ACYP2: variants seen among roughly 807,000 people sequenced by gnomAD.
The protein encoded by ACYP2 is acylphosphatase-2.
Under a neutral mutation model 11.2 loss-of-function variants are expected in ACYP2, and 12 were observed. The observed-to-expected ratio is 1.08, with a 90% CI of 0.69 to 1.74. The LOEUF is 1.74. Among genes scored for constraint, ACYP2 ranks in the 40% most tolerant of loss-of-function variants. The pLI is 0.00. For missense variants in ACYP2, 134 were observed against 101.9 expected, an observed-to-expected ratio of 1.31 and a Z score of -1.35; for synonymous variants, 43 against 32.2, an observed-to-expected ratio of 1.33 and a Z score of -1.13.
At chr2:54,263,359 C>A (rs923095225) in intron 6 of ACYP2, among the ~76,000 whole-genome samples, 3 of 152,182 alleles carry the variant, frequency 2.0e-5, no homozygotes, top group African/African-American at 7.2e-5. Context: ...CCCCCATGAT[C>A]CAGTCATCTC....
chr2:54,212,493 T>A lies in ACYP2; in HGVS notation c.404+73745T>A, dbSNP rs17268276. 6.6e-3 allele frequency among the ~76,000 whole-genome samples: 1,006 copies of A among 152,338 alleles called. 5 individuals carry two copies. Among genetic ancestry groups the A allele is most frequent in the Non-Finnish European group, 9.3e-3 (634 of 68,032 alleles). On this transcript the variant is annotated intron_variant, in intron 6 of 6. Coordinates refer to ENST00000607452, the MANE Select transcript of ACYP2 (RefSeq NM_001320586.2). ...TAGGACTGGAAAAACCCAGTTATGA[T>A]CATCTTAGTAGTGGTCTGTCTTCCA...
At chr2:54,254,702 T>G in intron 6 of ACYP2, 2 of 545,446 alleles carry the variant, frequency 3.7e-6, no homozygotes, top group South Asian at 5.5e-5. Context: ...TGGGAGCATG[T>G]GATGTTAATG....
chr2:54,138,818 G>A lies in ACYP2; in HGVS notation c.404+70G>A, dbSNP rs1233458696. On this transcript the variant is annotated intron_variant, in intron 6 of 6. Coordinates refer to ENST00000607452, the MANE Select transcript of ACYP2 (RefSeq NM_001320586.2). ...GCTGTTTTTTAGTTTTTTAAGACAT[G>A]GTCTTGCTCTGTTGCCCAGGTTGGA... is the stretch of plus-strand genomic sequence containing the variant. 4.6e-6 allele frequency: 6 copies of A among 1,296,396 alleles called. No individual in the cohort carries two copies. In the Admixed American group the frequency reaches 1.2e-4, roughly 26 times the overall value. The allele number at this position is 1,296,396 out of a possible 1,614,324, so 80.3% of individuals were successfully genotyped here.
intron 2 of ACYP2, among the ~76,000 whole-genome samples, chr2:54,019,353 T>G (rs1673873780): frequency 6.6e-6 from 1 of 152,076 alleles, no homozygotes; most frequent in African/African-American, 2.4e-5. Flanking sequence ...ATTACAGGGA[T>G]GAGCCACTGA....
At chr2:54,251,539 A>G (rs1332985149) in intron 6 of ACYP2, among the ~76,000 whole-genome samples, 1 of 152,120 alleles carries the variant, frequency 6.6e-6, no homozygotes, top group South Asian at 2.1e-4. Context: ...CCAGCGCTTC[A>G]GAATCTACCA....
At chr2:54,247,356 G>A (rs1572987759) in intron 6 of ACYP2, among the ~76,000 whole-genome samples, 1 of 152,132 alleles carries the variant, frequency 6.6e-6, no homozygotes, top group South Asian at 2.1e-4. Flanking sequence ...TTTGCTATTT[G>A]CTCTTCCTGG....
chr2:54,156,271 T>G (rs1682425692), intron 6 of ACYP2, among the ~76,000 whole-genome samples: 2 of 152,196 alleles, frequency 1.3e-5, no homozygotes, highest in African/African-American at 4.8e-5. Flanking sequence ...TATATATATT[T>G]TATTTAAGTT....
At chr2:54,060,854 A>G (rs1042085554) in intron 4 of ACYP2, among the ~76,000 whole-genome samples, 29 of 151,052 alleles carry the variant, frequency 1.9e-4, no homozygotes, top group African/African-American at 6.8e-4. Context: ...TGGTAACGTT[A>G]TTTACCATTC....
At chr2:54,013,870 A>C (rs1673534085) in intron 2 of ACYP2, among the ~76,000 whole-genome samples, 1 of 152,106 alleles carries the variant, frequency 6.6e-6, no homozygotes, top group African/African-American at 2.4e-5. Context: ...TAAGAAACTC[A>C]GTGGAGGCTG....
intron 6 of ACYP2, among the ~76,000 whole-genome samples, chr2:54,277,977 T>A (rs111546952): frequency 0.041 from 6,175 of 152,098 alleles, 381 homozygotes; most frequent in African/African-American, 0.14. Context: ...TTAATTAATT[T>A]ATTTATTTAT....
intron 6 of ACYP2, among the ~76,000 whole-genome samples, chr2:54,232,740 A>G (rs1198224907): frequency 6.6e-6 from 1 of 152,158 alleles, no homozygotes; most frequent in Admixed American, 6.5e-5. Context: ...CATGTCTTAC[A>G]TGGCGGCAAG....
At chr2:54,099,407 C>A (rs1182777913) in intron 4 of ACYP2, among the ~76,000 whole-genome samples, 2 of 152,148 alleles carry the variant, frequency 1.3e-5, no homozygotes, top group South Asian at 4.1e-4. Context: ...GCTAAAATTT[C>A]TTGTCCTTTG....
chr2:54,060,896 T>G (rs78033457), intron 4 of ACYP2, among the ~76,000 whole-genome samples: 16 of 145,556 alleles, frequency 1.1e-4, no homozygotes, highest in African/African-American at 3.6e-4. Context: ...CAAATACTTG[T>G]TTTTTTTTGT....
At chr2:54,029,985 C>T in intron 2 of ACYP2, 3 of 241,366 alleles carry the variant, frequency 1.2e-5, no homozygotes, top group Non-Finnish European at 2.4e-5. Flanking sequence ...GGAGAAGGCC[C>T]GAGATAATTC....
At chr2:54,266,940 A>C (rs1470064673) in intron 6 of ACYP2, among the ~76,000 whole-genome samples, 2 of 152,146 alleles carry the variant, frequency 1.3e-5, no homozygotes, top group African/African-American at 4.8e-5. Flanking sequence ...GCAGATGGAC[A>C]CATAGGAAAT....
At chr2:54,168,078 T>G (rs1044469714) in intron 6 of ACYP2, among the ~76,000 whole-genome samples, 2 of 152,174 alleles carry the variant, frequency 1.3e-5, no homozygotes, top group Admixed American at 1.3e-4. Context: ...AAAACTGTTT[T>G]GTCAAAATAT....
chr2:54,254,952 C>T (rs773878386), intron 6 of ACYP2: 1 of 1,613,210 alleles, frequency 6.2e-7, no homozygotes, highest in Non-Finnish European at 8.5e-7. Flanking sequence ...GCCTGGGGAT[C>T]TCCACTGGCT....
At chr2:54,006,217 G>A (rs1255954346) in intron 2 of ACYP2, among the ~76,000 whole-genome samples, 2 of 151,840 alleles carry the variant, frequency 1.3e-5, no homozygotes, top group African/African-American at 2.4e-5. Context: ...GTACGATCTC[G>A]GCTCACTGCA....
At chr2:54,007,764 C>G (rs6748976) in intron 2 of ACYP2, among the ~76,000 whole-genome samples, 50,667 of 151,864 alleles carry the variant, frequency 0.33, 9,227 homozygotes, top group South Asian at 0.53. Flanking sequence ...ACTCAGGAGG[C>G]TGAGGCAGGG....
Sources: gnomAD v4.1 joint callset for allele counts (sites outside exome capture counted in the v4.1 genomes callset) on GRCh38, gnomAD v4.1.1 for gene constraint, MANE v1.5 for transcripts, NCBI Gene and HGNC (gene_info 2026-07-23, HGNC 2026-07-21) for gene names.